The following CD2AP variants were observed in gnomAD, a reference collection of about 807,000 sequenced individuals.
CD2AP encodes the protein CD2 associated protein.
In CD2AP, 46 loss-of-function variants were observed where a neutral mutation model predicts 85.1. The ratio of observed to expected loss-of-function variants is 0.54; its 90% confidence interval spans 0.43 to 0.69. The LOEUF (loss-of-function observed/expected upper bound fraction) is 0.69, where lower values mean the gene tolerates loss of function less well. Ranked by LOEUF, CD2AP falls within the 30% of genes least tolerant of loss-of-function variation. The pLI is 0.00. For missense variants in CD2AP, 769 were observed against 729.5 expected (o/e 1.05, Z -0.62); for synonymous variants, 255 against 252.9 (o/e 1.01, Z -0.08).
chr6:47,533,959 A>C (rs1766961347), intron 3 of CD2AP, among the ~76,000 whole-genome samples: 1 of 152,244 alleles, frequency 6.6e-6, no homozygotes, highest in South Asian at 2.1e-4. Context: ...ATATCATTAT[A>C]AATTAAAGCA....
intron 11 of CD2AP, among the ~76,000 whole-genome samples, chr6:47,587,159 A>C (rs16876101): frequency 1.3e-5 from 2 of 152,178 alleles, no homozygotes; most frequent in African/African-American, 4.8e-5. Flanking sequence ...AGCATTTTCA[A>C]ATCATGGCTA....
Position 47,554,770 on chromosome 6 carries a change from G to T in CD2AP, c.541+4G>T. The T allele has an allele frequency of 6.2e-7, 1 of 1,605,748 alleles. No homozygotes were observed. The highest frequency in any genetic ancestry group is 1.1e-5 in the South Asian group (1 of 89,336). On this transcript the variant is annotated splice_donor_region_variant and intron_variant, in intron 5 of 17. Transcript: ENST00000359314. ...CATGAAGCCCAGGACGATTCAGGTA[G>T]ACTATTTTTTAAAATTTTTAATTGA...
intron 17 of CD2AP, among the ~76,000 whole-genome samples, chr6:47,615,731 A>G (rs1769560022): frequency 6.6e-6 from 1 of 152,066 alleles, no homozygotes; most frequent in African/African-American, 2.4e-5. Flanking sequence ...AAATCGTATC[A>G]ATGATTAAGT....
rs1765406546 is a variant in CD2AP, at chr6:47,480,057, T to C, written c.4+1809T>C. On this transcript the variant is annotated intron_variant, in intron 1 of 17. Coordinates refer to ENST00000359314, the MANE Select transcript of CD2AP (RefSeq NM_012120.3). The stretch of plus-strand genomic sequence containing the variant: ...TTTGATTGTCCAGAGGCTTTTTCTT[T>C]GTGATTTATTTGTTGTGTTCTGTTT... Among the ~76,000 whole-genome samples the C allele has an allele frequency of 2.0e-5, 3 of 152,172 alleles. No individual in the cohort carries two copies. In the South Asian group the frequency reaches 6.2e-4, roughly 32 times the overall value.
intron 2 of CD2AP, among the ~76,000 whole-genome samples, chr6:47,513,583 A>G (rs561895340): frequency 6.6e-6 from 1 of 152,178 alleles, no homozygotes; most frequent in Non-Finnish European, 1.5e-5. Flanking sequence ...AAGACTGCAC[A>G]TACAGTATTA....
chr6:47,551,896 G>A (rs1018132300), intron 4 of CD2AP, among the ~76,000 whole-genome samples: 14 of 151,992 alleles, frequency 9.2e-5, no homozygotes, highest in East Asian at 1.9e-4. Context: ...CAAGGTCGTC[G>A]GACTTACTAT....
chr6:47,485,965 G>T (rs1040449379), intron 1 of CD2AP, among the ~76,000 whole-genome samples: 51 of 152,216 alleles, frequency 3.4e-4, no homozygotes, highest in African/African-American at 1.2e-3. Flanking sequence ...GGACCAAATT[G>T]CCTAATGACA....
chr6:47,503,202 AG>A (rs1766041769), intron 1 of CD2AP, 77 bp from the exon 2 acceptor site: 2 of 1,295,260 alleles, frequency 1.5e-6, no homozygotes, highest in African/African-American at 3.0e-5. Context: ...CAGATTCCTT[AG>A]TTTTAAATTT....
chr6:47,544,551 T>A (rs918317833), intron 3 of CD2AP, 55 bp from the exon 4 acceptor site: 43 of 1,138,746 alleles, frequency 3.8e-5, no homozygotes, highest in Non-Finnish European at 5.5e-5. Flanking sequence ...GTAAATATAC[T>A]GTTTTTAAAA....
At chr6:47,562,903 T>C (rs924361513) in intron 5 of CD2AP, 13 of 682,312 alleles carry the variant, frequency 1.9e-5, no homozygotes, top group South Asian at 8.2e-5. Context: ...CTCTGTAAAA[T>C]TGACAGAGAG....
At chr6:47,606,598 C>T (rs1289757288) in intron 14 of CD2AP, among the ~76,000 whole-genome samples, 1 of 152,102 alleles carries the variant, frequency 6.6e-6, no homozygotes, top group African/African-American at 2.4e-5. Flanking sequence ...CAGATACTCA[C>T]TTTAGGAAAG....
intron 5 of CD2AP, among the ~76,000 whole-genome samples, chr6:47,556,016 G>A (rs1440205183): frequency 6.7e-6 from 1 of 149,952 alleles, no homozygotes; most frequent in African/African-American, 2.5e-5. Context: ...AAACCTCAGT[G>A]CACTCAGTGG....
intron 2 of CD2AP, among the ~76,000 whole-genome samples, chr6:47,519,160 A>G (rs1766523820): frequency 6.6e-6 from 1 of 152,240 alleles, no homozygotes; most frequent in African/African-American, 2.4e-5. Flanking sequence ...GAATAAATGA[A>G]TAAGATAAAG....
intron 3 of CD2AP, among the ~76,000 whole-genome samples, chr6:47,534,302 T>C (rs1766968714): frequency 6.6e-6 from 1 of 152,196 alleles, no homozygotes; most frequent in Admixed American, 6.5e-5. Flanking sequence ...ATTTAAACTG[T>C]TGAGTTTTAT....
rs969755086 is a variant in CD2AP at position 47,626,653 on chromosome 6, T to A, written c.*2426T>A. On this transcript the variant is annotated 3_prime_UTR_variant, in exon 18 of 18. Transcript: ENST00000359314. Reference sequence around the variant, plus strand: ...TGTTACCTTCTACAGAATTTAAGTCTGAAGATGTAAAGAGAGAACAGGCCT... The same window carrying A: ...TGTTACCTTCTACAGAATTTAAGTCAGAAGATGTAAAGAGAGAACAGGCCT... 1.3e-5 allele frequency: 2 copies of A among 152,420 alleles called. No homozygotes were observed. Among genetic ancestry groups the A allele is most frequent in the African/African-American group, 4.8e-5 (2 of 41,436 alleles). 9.4% of individuals were successfully genotyped at this position (152,420 alleles called of 1,614,324 possible).
Position 47,609,288 on chromosome 6 carries a change from C to T in CD2AP, c.1798C>T (p.Leu600=). Residue 600 remains leucine (L), a synonymous_variant, in exon 16 of 18, where the codon CTG becomes TTG. Coordinates refer to ENST00000359314, the MANE Select transcript of CD2AP (RefSeq NM_012120.3). ...TGAATTGTTGTGCATTGTAGAAGCACTGAAAAAGGATCACGGGTAAGTAGC... is the reference window on the plus strand; with the variant it reads ...TGAATTGTTGTGCATTGTAGAAGCATTGAAAAAGGATCACGGGTAAGTAGC... ...IIELLCIVEA[L]KKDHGKELEK... 1 of 1,613,138 alleles carries T rather than the reference C, an allele frequency of 6.2e-7. No individual in the cohort carries two copies. The highest frequency in any genetic ancestry group is 8.5e-7 in the Non-Finnish European group (1 of 1,179,476).
intron 6 of CD2AP, 84 bp from the exon 7 acceptor site, chr6:47,576,439 TG>T (rs983488664): frequency 3.3e-5 from 30 of 915,700 alleles, no homozygotes; most frequent in Admixed American, 6.8e-5. Flanking sequence ...TAGGGAAAGC[TG>T]GGTAACTGTA....
rs546435861 is a variant in CD2AP, at chr6:47,517,848, T to C, written c.165+14408T>C. 7.9e-5 allele frequency among the ~76,000 whole-genome samples: 12 copies of C among 152,316 alleles called. No individual in the cohort carries two copies. In the South Asian group the frequency reaches 2.5e-3, roughly 32 times the overall value. On this transcript the variant is annotated intron_variant, in intron 2 of 17. Transcript: ENST00000359314. Reference sequence around the variant, plus strand: ...TATCTGCTGAAAAAAGGGATATTAATAGTATTTATCTTATAGTGTTATGAG... The same window carrying C: ...TATCTGCTGAAAAAAGGGATATTAACAGTATTTATCTTATAGTGTTATGAG...
At chr6:47,576,501 T>C (rs370791689) in intron 6 of CD2AP, 23 bp from the exon 7 acceptor site, 93 of 1,478,356 alleles carry the variant, frequency 6.3e-5, no homozygotes, top group Non-Finnish European at 8.5e-5. Context: ...TAAAATAGTT[T>C]ATGCCATTTT....
Sources: allele counts gnomAD v4.1 joint callset (sites outside exome capture counted in the v4.1 genomes callset), GRCh38; gene constraint gnomAD v4.1.1; transcripts MANE v1.5; gene names NCBI Gene and HGNC (gene_info 2026-07-23, HGNC 2026-07-21).